DGKB: variants seen among roughly 807,000 people sequenced by gnomAD.
DGKB encodes the protein diacylglycerol kinase beta.
Under a neutral mutation model 114.3 loss-of-function variants are expected in DGKB, and 67 were observed. The observed-to-expected ratio is 0.59, with a 90% CI of 0.48 to 0.72. The LOEUF (loss-of-function observed/expected upper bound fraction) is 0.72. Ranked by LOEUF, DGKB falls within the 30% of genes least tolerant of loss-of-function variation. DGKB has a pLI of 0.00. For synonymous variants in DGKB, 398 were observed against 323.1 expected, an observed-to-expected ratio of 1.23 and a Z score of -2.49; for missense variants, 907 against 975.2, an observed-to-expected ratio of 0.93 and a Z score of 0.93.
chr7:14,567,483 TTTATATA>T (rs1488159876), intron 20 of DGKB, among the ~76,000 whole-genome samples: 8 of 70,772 alleles, frequency 1.1e-4, no homozygotes, highest in Non-Finnish European at 2.1e-4. Context: ...ATTATATATA[TTTATATA>T]TTATATATAA....
At chr7:14,794,526 A>G (rs1186883659) in intron 2 of DGKB, among the ~76,000 whole-genome samples, 1 of 152,118 alleles carries the variant, frequency 6.6e-6, no homozygotes, top group Non-Finnish European at 1.5e-5. Flanking sequence ...AACATAAGCT[A>G]AGGATTTGAA....
intron 21 of DGKB, among the ~76,000 whole-genome samples, chr7:14,389,981 C>T (rs1458448522): frequency 6.6e-6 from 1 of 152,154 alleles, no homozygotes; most frequent in Non-Finnish European, 1.5e-5. Context: ...TAGAGTGAGA[C>T]ACTTCCAACA....
intron 1 of DGKB, among the ~76,000 whole-genome samples, chr7:14,881,112 C>T (rs1339067887): frequency 6.6e-6 from 1 of 152,104 alleles, no homozygotes; most frequent in Non-Finnish European, 1.5e-5. Flanking sequence ...GAAACCATTT[C>T]CTTACACCAT....
intron 21 of DGKB, among the ~76,000 whole-genome samples, chr7:14,374,113 G>A (rs1818113031): frequency 1.3e-5 from 2 of 151,860 alleles, no homozygotes; most frequent in African/African-American, 2.4e-5. Flanking sequence ...GCAAACTCAG[G>A]GTCCACAACA....
At chr7:14,171,229 A>G (rs1780945289) in intron 25 of DGKB, among the ~76,000 whole-genome samples, 1 of 152,218 alleles carries the variant, frequency 6.6e-6, no homozygotes, top group African/African-American at 2.4e-5. Flanking sequence ...AATGTTTTCT[A>G]GAAGTTGCCG....
chr7:14,247,477 A>G (rs1053865502), intron 23 of DGKB, among the ~76,000 whole-genome samples: 8 of 152,138 alleles, frequency 5.3e-5, no homozygotes, highest in Non-Finnish European at 7.4e-5. Flanking sequence ...AGCAGGGTAC[A>G]AGTGTTCCCC....
intron 17 of DGKB, among the ~76,000 whole-genome samples, chr7:14,601,379 GT>G (rs1457054558): frequency 6.9e-6 from 1 of 144,066 alleles, no homozygotes; most frequent in African/African-American, 3.0e-5. Flanking sequence ...TCTCTGAAAC[GT>G]TTTCAGGGCC....
At chr7:14,437,125 T>C (rs1829397259) in intron 21 of DGKB, among the ~76,000 whole-genome samples, 1 of 152,076 alleles carries the variant, frequency 6.6e-6, no homozygotes, top group South Asian at 2.1e-4. Context: ...AATATTTTCC[T>C]GGGAGCCACG....
At chr7:14,920,423 C>A (rs2158481) in intron 1 of DGKB, among the ~76,000 whole-genome samples, 4 of 151,918 alleles carry the variant, frequency 2.6e-5, no homozygotes, top group Non-Finnish European at 5.9e-5. Context: ...TATTAGGTAA[C>A]TGCAAATTAT....
At chr7:14,695,504 T>C (rs1408784992) in intron 8 of DGKB, among the ~76,000 whole-genome samples, 1 of 124,076 alleles carries the variant, frequency 8.1e-6, no homozygotes, top group Non-Finnish European at 1.7e-5. Context: ...CTTTTTTTTT[T>C]TTTTTTTTTT....
Position 14,822,234 on chromosome 7 carries a change from T to C in DGKB, c.70+18960A>G, listed in dbSNP as rs571922922. ...AGAGGAGAGGTTTGGGTTAGAAATA[T>C]ACATTTGGAAGTCATTGTCACACAT... is the stretch of plus-strand genomic sequence containing the variant. On this transcript the variant is annotated intron_variant, in intron 2 of 25. Coordinates refer to ENST00000402815, the MANE Select transcript of DGKB (RefSeq NM_001350709.2). Among the ~76,000 whole-genome samples the C allele has an allele frequency of 2.0e-5, 3 of 152,272 alleles. No individual in the cohort carries two copies. In the South Asian group the frequency reaches 6.2e-4, roughly 32 times the overall value.
At chr7:14,326,571 T>C (rs1403154053) in intron 23 of DGKB, among the ~76,000 whole-genome samples, 3 of 152,036 alleles carry the variant, frequency 2.0e-5, no homozygotes, top group Non-Finnish European at 4.4e-5. Flanking sequence ...TCTCAAGAGA[T>C]AATATGTAGT....
At chr7:14,612,289 C>A (rs1442635000) in intron 16 of DGKB, among the ~76,000 whole-genome samples, 1 of 151,898 alleles carries the variant, frequency 6.6e-6, no homozygotes, top group South Asian at 2.1e-4. Flanking sequence ...CTTGCCTCAG[C>A]CTCCCAAGTA....
chr7:14,935,595 G>A (rs36872), intron 1 of DGKB, among the ~76,000 whole-genome samples: 22,111 of 152,040 alleles, frequency 0.15, 1,806 homozygotes, highest in Non-Finnish European at 0.19. Context: ...TAGTTACTAT[G>A]TACATGATGA....
At chr7:14,479,893 G>A (rs1782734177) in intron 20 of DGKB, among the ~76,000 whole-genome samples, 1 of 151,998 alleles carries the variant, frequency 6.6e-6, no homozygotes, top group Admixed American at 6.6e-5. Flanking sequence ...CAGCAGACTA[G>A]TTAAACAAAG....
chr7:14,950,869 G>T (rs568088912), intron 1 of DGKB, among the ~76,000 whole-genome samples: 24 of 151,668 alleles, frequency 1.6e-4, no homozygotes, highest in Non-Finnish European at 1.3e-4. Context: ...ATCAAATCCA[G>T]TAAAACAGAA....
chr7:14,348,425 A>C (rs1812855691), intron 21 of DGKB, among the ~76,000 whole-genome samples: 1 of 152,046 alleles, frequency 6.6e-6, no homozygotes, highest in Non-Finnish European at 1.5e-5. Flanking sequence ...CAGTAAAAGC[A>C]ACCCAAACAA....
chr7:14,761,069 T>C lies in DGKB; in HGVS notation c.71-3338A>G, dbSNP rs1298662250. ...ATCACTATCAATTCAACTCACTGCC[T>C]CTCCAATTCTCAAGTTCCAGTTCTA... On this transcript the variant is annotated intron_variant, in intron 2 of 25. Transcript: ENST00000402815. 3.3e-5 allele frequency among the ~76,000 whole-genome samples: 5 copies of C among 152,278 alleles called. No homozygotes were observed. The East Asian group carries it at 9.7e-4, about 29-fold the overall frequency.
chr7:14,244,287 A>T (rs1374403976), intron 23 of DGKB, among the ~76,000 whole-genome samples: 1 of 152,146 alleles, frequency 6.6e-6, no homozygotes, highest in East Asian at 1.9e-4. Flanking sequence ...CCTTTAGCTC[A>T]ATGACACTGT....
Sources: allele counts gnomAD v4.1 joint callset (sites outside exome capture counted in the v4.1 genomes callset), GRCh38; gene constraint gnomAD v4.1.1; transcripts MANE v1.5; gene names NCBI Gene and HGNC (gene_info 2026-07-23, HGNC 2026-07-21).